RBFOX1: variants seen among roughly 807,000 people sequenced by gnomAD.
RBFOX1 encodes the protein RNA binding fox-1 homolog 1.
In RBFOX1, 8 loss-of-function variants were observed where a neutral mutation model predicts 57.7. That is an observed-to-expected ratio of 0.14 (90% CI 0.08 to 0.25). The LOEUF (loss-of-function observed/expected upper bound fraction) is 0.25. Among genes scored for constraint, RBFOX1 ranks in the 10% least tolerant of loss-of-function variants. The pLI, the probability that RBFOX1 is intolerant of heterozygous loss-of-function variation, is 1.00. For synonymous variants in RBFOX1, 326 were observed against 222.4 expected (o/e 1.47, Z -4.15); for missense variants, 611 against 548.5 (o/e 1.11, Z -1.14).
In RBFOX1 at chr16:6,787,413, C is replaced by T. The variant is rs910336781; in HGVS notation, c.-16+132763C>T. On this transcript the variant is annotated intron_variant, in intron 3 of 15. Transcript: ENST00000550418. ...TTAACATCAGAAATAGCAACAATGC[C>T]GTGTGATTTCCAAAATTATTTTATT... Among the ~76,000 whole-genome samples the T allele has an allele frequency of 3.3e-5, 5 of 152,100 alleles. No individual in the cohort carries two copies. In the East Asian group the frequency reaches 9.6e-4, roughly 29 times the overall value.
In RBFOX1 at chr16:7,472,479, T is replaced by G. The variant is rs543756242; in HGVS notation, c.28-45668T>G. Among the ~76,000 whole-genome samples, 3 of 152,348 alleles carry G rather than the reference T, an allele frequency of 2.0e-5. No individual in the cohort carries two copies. The East Asian group carries it at 5.8e-4, about 29-fold the overall frequency. ...AGTCTGAAACCAGTGTTATGAAACT[T>G]GCAAAGAAAAGATTAAGTTATTCTG... On this transcript the variant is annotated intron_variant, in intron 4 of 15. Transcript: ENST00000550418.
chr16:6,121,688 G>A (rs1343884856), intron 1 of RBFOX1, among the ~76,000 whole-genome samples: 2 of 152,110 alleles, frequency 1.3e-5, no homozygotes, highest in East Asian at 1.9e-4. Flanking sequence ...CAGGTGGGGA[G>A]CTCTTAAGGT....
intron 4 of RBFOX1, among the ~76,000 whole-genome samples, chr16:7,355,271 AC>A (rs1407029421): frequency 6.6e-6 from 1 of 152,040 alleles, no homozygotes; most frequent in African/African-American, 2.4e-5. Flanking sequence ...TCAGCCAGCA[AC>A]TCAGAGTCCC....
chr16:7,291,582 T>C (rs1221911719), intron 4 of RBFOX1, among the ~76,000 whole-genome samples: 1 of 151,950 alleles, frequency 6.6e-6, no homozygotes, highest in Non-Finnish European at 1.5e-5. Flanking sequence ...GGAAGGGAGG[T>C]GCTTCCATTA....
intron 3 of RBFOX1, among the ~76,000 whole-genome samples, chr16:6,745,760 TC>T (rs2073446018): frequency 6.6e-6 from 1 of 152,120 alleles, no homozygotes; most frequent in Non-Finnish European, 1.5e-5. Flanking sequence ...TTTCACCACT[TC>T]CCTTTCGCAG....
chr16:6,380,591 G>C (rs548893221), intron 2 of RBFOX1, among the ~76,000 whole-genome samples: 2 of 151,760 alleles, frequency 1.3e-5, no homozygotes, highest in East Asian at 1.9e-4. Context: ...ATCAAATCCT[G>C]GTGTGAAATA....
downstream of RBFOX1, among the ~76,000 whole-genome samples, chr16:5,602,468 T>G (rs1007274317): frequency 1.3e-5 from 2 of 152,206 alleles, no homozygotes; most frequent in Non-Finnish European, 2.9e-5. Flanking sequence ...AATTCCAAGC[T>G]GCTGCTAGGA....
intron 3 of RBFOX1, among the ~76,000 whole-genome samples, chr16:5,715,611 T>C (rs1183980359): frequency 1.3e-5 from 2 of 152,346 alleles, no homozygotes; most frequent in Admixed American, 6.5e-5. Flanking sequence ...TTTCTTGTTT[T>C]CTGCAAAAAT....
chr16:5,335,599 A>G (rs967507439), intron 1 of RBFOX1, among the ~76,000 whole-genome samples: 8 of 152,170 alleles, frequency 5.3e-5, no homozygotes, highest in Non-Finnish European at 1.2e-4. Context: ...CCTCTTCTCC[A>G]TTGCACATGA....
intron 4 of RBFOX1, among the ~76,000 whole-genome samples, chr16:6,000,027 T>G (rs1302776365): frequency 6.6e-6 from 1 of 152,092 alleles, no homozygotes; most frequent in South Asian, 2.1e-4. Flanking sequence ...GGGGATGTTT[T>G]TTAGGCAGGC....
chr16:5,389,478 C>G (rs929952220), intron 1 of RBFOX1, among the ~76,000 whole-genome samples: 13 of 152,058 alleles, frequency 8.5e-5, no homozygotes, highest in Non-Finnish European at 7.4e-5. Context: ...CCAAATGTCT[C>G]CAGACATCGC....
At chr16:6,974,694 G>A (rs898153742) in intron 3 of RBFOX1, among the ~76,000 whole-genome samples, 4 of 152,024 alleles carry the variant, frequency 2.6e-5, no homozygotes, top group African/African-American at 9.7e-5. Context: ...CAGGAGGGTA[G>A]TAACATTTAT....
intron 4 of RBFOX1, among the ~76,000 whole-genome samples, chr16:5,955,355 TA>T (rs1168144328): frequency 0.18 from 2,556 of 13,832 alleles, 374 homozygotes; most frequent in African/African-American, 0.43. Flanking sequence ...ATAAAATAAA[TA>T]AAAATAAAAT....
intron 3 of RBFOX1, among the ~76,000 whole-genome samples, chr16:6,835,283 C>T (rs1258659312): frequency 1.3e-5 from 2 of 152,120 alleles, no homozygotes; most frequent in African/African-American, 4.8e-5. Flanking sequence ...TGCGGGTTCC[C>T]TTTCTGCATC....
chr16:6,711,402 G>T (rs1366535324), intron 3 of RBFOX1, among the ~76,000 whole-genome samples: 2 of 152,122 alleles, frequency 1.3e-5, no homozygotes. Context: ...CTCCTGATAT[G>T]GTTTGACTCT....
intron 1 of RBFOX1, among the ~76,000 whole-genome samples, chr16:6,213,009 G>A (rs982296217): frequency 2.0e-5 from 3 of 152,046 alleles, no homozygotes; most frequent in Admixed American, 1.3e-4. Flanking sequence ...TCACTGTTGT[G>A]GTCACCTGGA....
chr16:7,165,387 GTAATAA>G (rs142157694), intron 4 of RBFOX1, among the ~76,000 whole-genome samples: 1 of 141,200 alleles, frequency 7.1e-6, no homozygotes, highest in African/African-American at 2.6e-5. Context: ...TAACTCTTCT[GTAATAA>G]TAATAATAAT....
At chr16:7,033,799 C>T (rs1028535263) in intron 3 of RBFOX1, among the ~76,000 whole-genome samples, 1 of 152,024 alleles carries the variant, frequency 6.6e-6, no homozygotes, top group East Asian at 1.9e-4. Context: ...AAAACCTCAT[C>T]TCTACTAAAA....
Position 6,980,230 on chromosome 16 carries a change from G to A in RBFOX1, c.-15-71827G>A, listed in dbSNP as rs143834496. Among the ~76,000 whole-genome samples, 649 of 152,196 alleles carry A rather than the reference G, an allele frequency of 4.3e-3. 11 individuals are homozygous for A. The highest frequency in any genetic ancestry group is 0.014 in the African/African-American group (599 of 41,520). ...AGCTGATATAACTTGAAAAATTACC[G>A]CAAAATTTTATTTCCTATACAAATG... On this transcript the variant is annotated intron_variant, in intron 3 of 15. Transcript: ENST00000550418.
Sources: gnomAD v4.1 joint callset for allele counts (sites outside exome capture counted in the v4.1 genomes callset) on GRCh38, gnomAD v4.1.1 for gene constraint, MANE v1.5 for transcripts, NCBI Gene and HGNC (gene_info 2026-07-23, HGNC 2026-07-21) for gene names.